PARD6G: variants seen among roughly 807,000 people sequenced by gnomAD.
PARD6G encodes partitioning defective 6 homolog gamma.
Under a neutral mutation model 10.7 loss-of-function variants are expected in PARD6G, and 7 were observed. The observed-to-expected ratio is 0.66, with a 90% CI of 0.37 to 1.23. The LOEUF is 1.23. Ranked by LOEUF, PARD6G falls within the 50% of genes most tolerant of loss-of-function variation. PARD6G has a pLI of 0.02. For missense variants in PARD6G, 548 were observed against 571.8 expected, an observed-to-expected ratio of 0.96 and a Z score of 0.42; for synonymous variants, 287 against 269.4, an observed-to-expected ratio of 1.07 and a Z score of -0.64.
rs2052855886 is a variant in PARD6G, at chr18:80,183,048, A to T, written c.295+19662T>A. On this transcript the variant is annotated intron_variant, in intron 2 of 2. Transcript: ENST00000353265. The surrounding 1 kb of genome is among the most constrained non-coding windows in gnomAD (Gnocchi z 4.5). ...GAGGGGCCAGCTGCGTGGGCCATCC[A>T]TTCTCTACCATGGCATGCCGACAAC... is the stretch of plus-strand genomic sequence containing the variant. 1 of 701,262 alleles carries T rather than the reference A, an allele frequency of 1.4e-6. No individual in the cohort carries two copies. The highest frequency in any genetic ancestry group is 1.7e-5 in the African/African-American group (1 of 57,196). 43.4% of individuals were successfully genotyped at this position (701,262 alleles called of 1,614,324 possible).
rs1457412559 is a variant in PARD6G at position 80,189,692 on chromosome 18, C to G, written c.295+13018G>C. On this transcript the variant is annotated intron_variant, in intron 2 of 2. Transcript: ENST00000353265. The surrounding 1 kb of genome is among the most constrained non-coding windows in gnomAD (Gnocchi z 5.5). The stretch of plus-strand genomic sequence containing the variant: ...GACAAAAACAGCTTCAAGCACGTCC[C>G]CTGGGAGTCCCCCGTCCGTCGTTGA... Among the ~76,000 whole-genome samples the G allele has an allele frequency of 2.6e-5, 4 of 152,094 alleles. No homozygotes were observed. The highest frequency in any genetic ancestry group is 5.9e-5 in the Non-Finnish European group (4 of 68,018).
At position 80,231,517 on chromosome 18, in the gene PARD6G, A is replaced by C. The variant is rs1454318686; in HGVS notation, c.72+15760T>G. 6.6e-6 allele frequency among the ~76,000 whole-genome samples: 1 copy of C among 152,182 alleles called. No individual in the cohort carries two copies. The highest frequency in any genetic ancestry group is 1.5e-5 in the Non-Finnish European group (1 of 68,028). Reference sequence around the variant, plus strand: ...CAGACAGACAACATAGCAAAGCTGCAAAGAGCCAGGCTCTGAGTGGACACA... The same window carrying C: ...CAGACAGACAACATAGCAAAGCTGCCAAGAGCCAGGCTCTGAGTGGACACA... On this transcript the variant is annotated intron_variant, in intron 1 of 2. Transcript: ENST00000353265. The surrounding 1 kb of genome is among the most constrained non-coding windows in gnomAD (Gnocchi z 4.2).
intron 2 of PARD6G, among the ~76,000 whole-genome samples, chr18:80,199,602 T>G (rs1966990509): frequency 6.6e-6 from 1 of 152,238 alleles, no homozygotes; most frequent in Non-Finnish European, 1.5e-5. Context: ...TCACTGTGTC[T>G]TTGTATGGTT....
chr18:80,189,635 C>A lies in PARD6G; in HGVS notation c.295+13075G>T, dbSNP rs1037463936. ...GGCCAGGCAGGTCACCCTGGCCCCA[C>A]AGTCCTCCCTGCCTGGCGCACAGAC... On this transcript the variant is annotated intron_variant, in intron 2 of 2. Transcript: ENST00000353265. This position sits in a 1 kb window ranked among gnomAD's most constrained non-coding sequence, Gnocchi z 5.5. Among the ~76,000 whole-genome samples the A allele has an allele frequency of 6.6e-6, 1 of 152,194 alleles. No individual in the cohort carries two copies. The highest frequency in any genetic ancestry group is 2.4e-5 in the African/African-American group (1 of 41,438).
chr18:80,160,264 T>C lies in PARD6G; in HGVS notation c.638A>G (p.Asn213Ser). 1.9e-6 allele frequency: 3 copies of C among 1,612,464 alleles called. No individual in the cohort carries two copies. Among genetic ancestry groups the C allele is most frequent in the Non-Finnish European group, 2.5e-6 (3 of 1,179,738 alleles). Residue 213 changes from asparagine (N) to serine (S), a missense_variant, in exon 3 of 3, where the codon AAT becomes AGT. Physicochemically the swap from Asn to Ser is conservative, Grantham distance 46. Transcript: ENST00000353265. The part of the protein sequence containing the change: ...LAESTGLLAV[N>S]DEVLEVNGIE... ...GCCGTTCACCTCCAGGACCTCGTCA[T>C]TCACAGCCAGCAGCCCGGTGCTCTC...
rs2052674699 is a variant in PARD6G at position 80,158,966 on chromosome 18, G to A, written c.*805C>T. On this transcript the variant is annotated 3_prime_UTR_variant, in exon 3 of 3. Transcript: ENST00000353265. ...TGAAAATCTGGAATTCATCTCCATG[G>A]TTGTACATGGACAGGTTTGGGTGTA... The A allele has an allele frequency of 6.7e-6, 1 of 150,336 alleles. No individual in the cohort carries two copies. Among genetic ancestry groups the A allele is most frequent in the Admixed American group, 6.7e-5 (1 of 14,816 alleles). 9.3% of individuals were successfully genotyped at this position (150,336 alleles called of 1,614,324 possible).
chr18:80,226,256 C>T (rs556145472), intron 1 of PARD6G, among the ~76,000 whole-genome samples: 107 of 150,026 alleles, frequency 7.1e-4, no homozygotes, highest in Middle Eastern at 3.5e-3. Context: ...CCGCAACCTC[C>T]GCCTCCTGGG....
intron 1 of PARD6G, among the ~76,000 whole-genome samples, chr18:80,214,768 A>G (rs1488573863): frequency 1.3e-5 from 2 of 152,154 alleles, no homozygotes; most frequent in Non-Finnish European, 2.9e-5. Context: ...GAGAAAGAGG[A>G]AAAAAAGGCA....
intron 1 of PARD6G, among the ~76,000 whole-genome samples, chr18:80,226,372 T>A (rs1356013379): frequency 1.3e-5 from 2 of 151,958 alleles, no homozygotes; most frequent in South Asian, 4.2e-4. Context: ...GGTTCCTCCA[T>A]GTTGGTCAGG....
rs557345187 is a variant in PARD6G at position 80,222,814 on chromosome 18, C to G, written c.73-19882G>C. On this transcript the variant is annotated intron_variant, in intron 1 of 2. Transcript: ENST00000353265. ...TTAGCCTCCCAAGTAGCTGGGACTA[C>G]AGGTGCACGCCACCACATCTGGCTA... Among the ~76,000 whole-genome samples, 6 of 152,234 alleles carry G rather than the reference C, an allele frequency of 3.9e-5. No individual in the cohort carries two copies. In the South Asian group the frequency reaches 1.2e-3, roughly 32 times the overall value.
intron 1 of PARD6G, among the ~76,000 whole-genome samples, chr18:80,203,568 A>G (rs1281582137): frequency 6.6e-6 from 1 of 152,172 alleles, no homozygotes; most frequent in Non-Finnish European, 1.5e-5. Context: ...CAACGTCAAA[A>G]TTAATGTTAA....
intron 1 of PARD6G, among the ~76,000 whole-genome samples, chr18:80,233,393 C>T (rs542060497): frequency 6.6e-6 from 1 of 152,174 alleles, no homozygotes; most frequent in African/African-American, 2.4e-5. Flanking sequence ...CATCCCTGCA[C>T]CAGTACAGGT....
At chr18:80,225,559 C>T (rs1054319205) in intron 1 of PARD6G, among the ~76,000 whole-genome samples, 9 of 152,224 alleles carry the variant, frequency 5.9e-5, no homozygotes, top group African/African-American at 1.9e-4. Context: ...CTCACCTCCC[C>T]CTTCAGGCTG....
Position 80,237,494 on chromosome 18 carries a change from C to T in PARD6G, c.72+9783G>A, listed in dbSNP as rs924270622. 1.1e-4 allele frequency among the ~76,000 whole-genome samples: 16 copies of T among 152,218 alleles called. No homozygotes were observed. The South Asian group carries it at 2.1e-3, about 20-fold the overall frequency. On this transcript the variant is annotated intron_variant, in intron 1 of 2. Transcript: ENST00000353265. ...AGCAATGGCAACAAAAGCCAAAATT[C>T]GCAAATGGGATCTAATTAAACTAAA...
At position 80,228,432 on chromosome 18, in the gene PARD6G, G is replaced by A. The variant is rs1043448889; in HGVS notation, c.72+18845C>T. Reference sequence around the variant, plus strand: ...CTCAATCAGCTCTGCTGGGTGAGTCGCAGGCACCAAGTGCCCCTACAGCTC... The same window carrying A: ...CTCAATCAGCTCTGCTGGGTGAGTCACAGGCACCAAGTGCCCCTACAGCTC... On this transcript the variant is annotated intron_variant, in intron 1 of 2. Coordinates refer to ENST00000353265, the MANE Select transcript of PARD6G (RefSeq NM_032510.4). This position sits in a 1 kb window ranked among gnomAD's most constrained non-coding sequence, Gnocchi z 4.6. Among the ~76,000 whole-genome samples, 10 of 152,222 alleles carry A rather than the reference G, an allele frequency of 6.6e-5. No individual in the cohort carries two copies. Among genetic ancestry groups the A allele is most frequent in the South Asian group, 4.1e-4 (2 of 4,826 alleles).
chr18:80,233,702 C>T (rs1057439283), intron 1 of PARD6G, among the ~76,000 whole-genome samples: 2 of 152,136 alleles, frequency 1.3e-5, no homozygotes, highest in Admixed American at 1.3e-4. Context: ...TAACCAGGAA[C>T]CTCAGGGGCC....
intron 1 of PARD6G, among the ~76,000 whole-genome samples, chr18:80,215,820 G>T (rs1252169589): frequency 6.6e-6 from 1 of 152,010 alleles, no homozygotes; most frequent in Non-Finnish European, 1.5e-5. Context: ...GCAGAGATTG[G>T]CAAAATGGAT....
In PARD6G at chr18:80,161,523, T is replaced by C. The variant is rs1421419647; in HGVS notation, c.296-917A>G. Among the ~76,000 whole-genome samples the C allele has an allele frequency of 6.6e-6, 1 of 152,154 alleles. No homozygotes were observed. The highest frequency in any genetic ancestry group is 2.4e-5 in the African/African-American group (1 of 41,418). ...AAGTAAAAATTTTAAGTGAAGAGAC[T>C]GGTGGCATTTGGAAACTCTGAATAA... On this transcript the variant is annotated intron_variant, in intron 2 of 2. Transcript: ENST00000353265. The surrounding 1 kb of genome is among the most constrained non-coding windows in gnomAD (Gnocchi z 4.6).
intron 1 of PARD6G, among the ~76,000 whole-genome samples, chr18:80,211,124 A>C (rs764432691): frequency 8.9e-4 from 135 of 152,302 alleles, no homozygotes; most frequent in Non-Finnish European, 1.5e-3. Flanking sequence ...TTTTAAGTGA[A>C]AATTTTACAA....
Sources: gnomAD v4.1 joint callset for allele counts (sites outside exome capture counted in the v4.1 genomes callset) on GRCh38, gnomAD v4.1.1 for gene constraint, Gnocchi (gnomAD v3.1) non-coding constraint, MANE v1.5 for transcripts, NCBI Gene and HGNC (gene_info 2026-07-23, HGNC 2026-07-21) for gene names.